ZBTB20: variants seen among roughly 807,000 people sequenced by gnomAD.
ZBTB20 encodes zinc finger and BTB domain-containing protein 20.
ZBTB20 carries 9 observed loss-of-function variants against 56.9 expected under a neutral mutation model. The ratio of observed to expected loss-of-function variants is 0.16; its 90% CI spans 0.10 to 0.28. The LOEUF is 0.28. Among genes scored for constraint, ZBTB20 ranks in the 10% least tolerant of loss-of-function variants. The probability of loss-of-function intolerance (pLI) is 1.00; values close to 1 mark genes in which losing one functional copy is unlikely to be tolerated. For missense variants in ZBTB20, 655 were observed against 1,003.0 expected (o/e 0.65, Z 4.69); for synonymous variants, 417 against 420.7 (o/e 0.99, Z 0.11).
intron 8 of ZBTB20, chr3:114,383,667 A>G (rs564778317): frequency 6.6e-6 from 1 of 152,360 alleles, no homozygotes; most frequent in East Asian, 1.9e-4. Flanking sequence ...AGAACTGCTC[A>G]CCATCCTCAG....
chr3:114,861,080 T>C (rs193188358), intron 4 of ZBTB20, among the ~76,000 whole-genome samples: 15 of 152,286 alleles, frequency 9.8e-5, no homozygotes, highest in Non-Finnish European at 2.2e-4. Context: ...CCTTTAGACC[T>C]TTTGTTACCC....
intron 5 of ZBTB20, among the ~76,000 whole-genome samples, chr3:114,716,612 C>T (rs1439136987): frequency 6.6e-6 from 1 of 152,090 alleles, no homozygotes; most frequent in Non-Finnish European, 1.5e-5. Context: ...TTTTCATTCT[C>T]TGGTTTTAAA....
chr3:114,501,423 C>T (rs982128469), intron 6 of ZBTB20, among the ~76,000 whole-genome samples: 6 of 151,866 alleles, frequency 4.0e-5, no homozygotes, highest in Non-Finnish European at 8.8e-5. Flanking sequence ...GTCAGGAGTT[C>T]GAGACCAGCC....
chr3:114,787,392 CATATATAT>C (rs35063307), intron 5 of ZBTB20, among the ~76,000 whole-genome samples: 1 of 139,188 alleles, frequency 7.2e-6, no homozygotes, highest in Non-Finnish European at 1.5e-5. Context: ...CACACACACA[CATATATAT>C]ACATATATAT....
intron 2 of ZBTB20, among the ~76,000 whole-genome samples, chr3:115,035,146 T>C (rs2080862208): frequency 6.6e-6 from 1 of 152,070 alleles, no homozygotes; most frequent in South Asian, 2.1e-4. Context: ...AAAAGCTTCA[T>C]CATACTGGAT....
chr3:114,814,010 C>G (rs2072750956), intron 4 of ZBTB20, among the ~76,000 whole-genome samples: 1 of 151,818 alleles, frequency 6.6e-6, no homozygotes, highest in Non-Finnish European at 1.5e-5. Flanking sequence ...TAATATTTAT[C>G]TTGATATTTA....
chr3:115,023,099 T>C (rs2080271942), intron 2 of ZBTB20, among the ~76,000 whole-genome samples: 1 of 150,812 alleles, frequency 6.6e-6, no homozygotes, highest in African/African-American at 2.4e-5. Context: ...ATGCACTATA[T>C]AAATAGAGAG....
intron 7 of ZBTB20, among the ~76,000 whole-genome samples, chr3:114,469,010 C>CAAAAAAAAAA (rs1164804884): frequency 7.5e-5 from 5 of 66,992 alleles, no homozygotes; most frequent in Admixed American, 3.5e-4. Flanking sequence ...TCAAGAGAAG[C>CAAAAAAAAAA]AAAAAAAAAA....
chr3:115,003,624 G>T (rs1053630031), intron 2 of ZBTB20, among the ~76,000 whole-genome samples: 1 of 151,578 alleles, frequency 6.6e-6, no homozygotes. Context: ...GAGCTCAGAA[G>T]TTTAAGGTTA....
intron 2 of ZBTB20, among the ~76,000 whole-genome samples, chr3:114,996,243 A>G (rs2079021493): frequency 6.6e-6 from 1 of 151,892 alleles, no homozygotes; most frequent in Non-Finnish European, 1.5e-5. Flanking sequence ...GCTCCGGGGT[A>G]CATGTGTAGA....
intron 3 of ZBTB20, among the ~76,000 whole-genome samples, chr3:114,970,263 G>C (rs1460105321): frequency 1.3e-5 from 2 of 152,152 alleles, no homozygotes; most frequent in African/African-American, 4.8e-5. Flanking sequence ...GTATTACAAA[G>C]GTATGTTGAG....
chr3:114,605,576 C>G (rs1001762122), intron 6 of ZBTB20, among the ~76,000 whole-genome samples: 2 of 152,016 alleles, frequency 1.3e-5, no homozygotes, highest in Admixed American at 6.6e-5. Flanking sequence ...ATTTTTGCCC[C>G]CAAATATTTC....
chr3:114,882,082 T>C (rs1005538791), intron 4 of ZBTB20, among the ~76,000 whole-genome samples: 1 of 151,760 alleles, frequency 6.6e-6, no homozygotes, highest in Non-Finnish European at 1.5e-5. Flanking sequence ...TTCCATAATA[T>C]ACAAAGAGGC....
chr3:114,812,277 G>A (rs1279129634), intron 4 of ZBTB20, among the ~76,000 whole-genome samples: 5 of 152,072 alleles, frequency 3.3e-5, no homozygotes, highest in South Asian at 4.1e-4. Flanking sequence ...TGATTGGTGC[G>A]TTTACAATCC....
intron 6 of ZBTB20, among the ~76,000 whole-genome samples, chr3:114,572,062 C>T (rs552870418): frequency 6.6e-6 from 1 of 151,590 alleles, no homozygotes; most frequent in African/African-American, 2.4e-5. Flanking sequence ...ATCCAATCCC[C>T]ACAGCAAACT....
chr3:115,136,917 G>C (rs915117720), intron 1 of ZBTB20, among the ~76,000 whole-genome samples: 3 of 152,024 alleles, frequency 2.0e-5, no homozygotes, highest in African/African-American at 7.2e-5. Context: ...AAAGGACAGT[G>C]AGATACAAAC....
At chr3:114,386,828 A>G (rs2085195384) in intron 8 of ZBTB20, among the ~76,000 whole-genome samples, 1 of 152,102 alleles carries the variant, frequency 6.6e-6, no homozygotes. Context: ...TATACTTTCA[A>G]TTATACTTTC....
rs965690243 is a variant in ZBTB20 at position 114,315,427 on chromosome 3, A to G, written c.*23578T>C. On this transcript the variant is annotated 3_prime_UTR_variant, in exon 12 of 12. Transcript: ENST00000675478. ...TTCACTGGGAAATGGAAACTGCATA[A>G]ACAGTGACACACAGACACTGGAAAC... The G allele has an allele frequency of 6.6e-6, 1 of 152,174 alleles. No individual in the cohort carries two copies. Among genetic ancestry groups the G allele is most frequent in the African/African-American group, 2.4e-5 (1 of 41,448 alleles). 9.4% of individuals were successfully genotyped at this position (152,174 alleles called of 1,614,324 possible).
intron 6 of ZBTB20, among the ~76,000 whole-genome samples, chr3:114,510,079 C>T (rs749645844): frequency 4.6e-5 from 7 of 152,114 alleles, no homozygotes; most frequent in Non-Finnish European, 1.5e-5. Context: ...AAAGTATTCA[C>T]CCATACTTTG....
Sources: gnomAD v4.1 joint callset for allele counts (sites outside exome capture counted in the v4.1 genomes callset) on GRCh38, gnomAD v4.1.1 for gene constraint, MANE v1.5 for transcripts, NCBI Gene and HGNC (gene_info 2026-07-23, HGNC 2026-07-21) for gene names.